The following SLC1A3 variants were observed in gnomAD, a reference collection of about 807,000 sequenced individuals.
SLC1A3 encodes solute carrier family 1 member 3.
A neutral mutation model predicts 48.1 loss-of-function variants in SLC1A3; 21 were observed. That is an observed-to-expected ratio of 0.44 (90% CI 0.31 to 0.63). The LOEUF (loss-of-function observed/expected upper bound fraction) is 0.63, where lower values mean the gene tolerates loss of function less well. SLC1A3 is among the 20% of genes least tolerant of loss of function. The pLI, the probability that SLC1A3 is intolerant of heterozygous loss-of-function variation, is 0.08. For missense variants in SLC1A3, 546 were observed against 689.0 expected, an observed-to-expected ratio of 0.79 and a Z score of 2.32; for synonymous variants, 239 against 251.4, an observed-to-expected ratio of 0.95 and a Z score of 0.47.
chr5:36,648,627 A>G (rs980365543), intron 3 of SLC1A3, among the ~76,000 whole-genome samples: 6 of 152,220 alleles, frequency 3.9e-5, no homozygotes, highest in Non-Finnish European at 7.3e-5. Context: ...GCTACTGATA[A>G]CAACTTCTCA....
intron 2 of SLC1A3, among the ~76,000 whole-genome samples, chr5:36,621,191 C>A (rs561615984): frequency 1.1e-4 from 16 of 152,278 alleles, no homozygotes; most frequent in African/African-American, 3.8e-4. Context: ...CAGGCGTGAG[C>A]CACCACGCCT....
At chr5:36,654,249 G>A (rs760557664) in intron 3 of SLC1A3, among the ~76,000 whole-genome samples, 9 of 152,136 alleles carry the variant, frequency 5.9e-5, no homozygotes, top group Admixed American at 1.3e-4. Flanking sequence ...AAAATGGTTT[G>A]GGCATACAGA....
intron 3 of SLC1A3, among the ~76,000 whole-genome samples, chr5:36,648,262 C>T (rs1054936534): frequency 3.3e-5 from 5 of 152,144 alleles, no homozygotes; most frequent in Non-Finnish European, 7.4e-5. Flanking sequence ...GACTGTACCA[C>T]TCTGGGCAAC....
intron 3 of SLC1A3, among the ~76,000 whole-genome samples, chr5:36,655,847 A>T (rs1741263358): frequency 6.6e-6 from 1 of 152,168 alleles, no homozygotes; most frequent in Non-Finnish European, 1.5e-5. Flanking sequence ...AGGGTGTTTG[A>T]GATTCCCTGT....
At chr5:36,676,425 G>C (rs141127457) in intron 5 of SLC1A3, among the ~76,000 whole-genome samples, 2,093 of 152,280 alleles carry the variant, frequency 0.014, 44 homozygotes, top group African/African-American at 0.048. Context: ...TAGAATATGA[G>C]AGAAAGGATA....
At chr5:36,675,398 G>C (rs1742165408) in intron 5 of SLC1A3, among the ~76,000 whole-genome samples, 1 of 152,142 alleles carries the variant, frequency 6.6e-6, no homozygotes, top group South Asian at 2.1e-4. Context: ...GGCCCTGTGT[G>C]ATATCAAAAA....
At chr5:36,679,064 G>A (rs760715237) in intron 6 of SLC1A3, among the ~76,000 whole-genome samples, 6 of 152,190 alleles carry the variant, frequency 3.9e-5, no homozygotes, top group Non-Finnish European at 8.8e-5. Context: ...AATAATAAAA[G>A]TGGCCCTTGA....
Position 36,629,580 on chromosome 5 carries a change from T to C in SLC1A3, c.312T>C (p.Leu104=), listed in dbSNP as rs1740055118. The change falls in exon 3 of 10, where the codon CTT becomes CTC. Residue 104 remains leucine (L), a synonymous_variant. Coordinates refer to ENST00000265113, the MANE Select transcript of SLC1A3 (RefSeq NM_004172.5). ...TCTTACCACTTATCATCTCCAGTCT[T>C]GTCACAGGTACCATAAGCAGTTGTT... ...MLVLPLIISS[L]VTGMAALDSK... 1 of 1,613,052 alleles carries C rather than the reference T, an allele frequency of 6.2e-7. No individual in the cohort carries two copies. The highest frequency in any genetic ancestry group is 8.5e-7 in the Non-Finnish European group (1 of 1,179,250).
chr5:36,620,936 C>G (rs1340548391), intron 2 of SLC1A3, among the ~76,000 whole-genome samples: 1 of 151,066 alleles, frequency 6.6e-6, no homozygotes, highest in Non-Finnish European at 1.5e-5. Context: ...GGCAGGGTCT[C>G]TCTCTGTCAC....
chr5:36,637,902 T>C (rs1433027484), intron 3 of SLC1A3, among the ~76,000 whole-genome samples: 1 of 149,408 alleles, frequency 6.7e-6, no homozygotes, highest in Non-Finnish European at 1.5e-5. Context: ...CTTTAATTAA[T>C]TGATCTGAAA....
intron 2 of SLC1A3, among the ~76,000 whole-genome samples, chr5:36,623,475 C>A (rs1279616686): frequency 1.3e-5 from 2 of 152,030 alleles, no homozygotes; most frequent in African/African-American, 4.8e-5. Flanking sequence ...TTTTTGTCAG[C>A]TTTGGGACTA....
upstream of SLC1A3, among the ~76,000 whole-genome samples, chr5:36,602,101 G>A (rs1378488773): frequency 6.6e-6 from 1 of 152,142 alleles, no homozygotes; most frequent in African/African-American, 2.4e-5. Flanking sequence ...GTTGGATTTG[G>A]GGAGTGGGAG....
rs998829772 is a variant in SLC1A3 at position 36,617,811 on chromosome 5, G to C, written c.181+9207G>C. On this transcript the variant is annotated intron_variant, in intron 2 of 9. Transcript: ENST00000265113. ...GCAATTACCAATTGATGGACACTTC[G>C]GTTGTTTCCAGTCTTTAGACATTTT... Among the ~76,000 whole-genome samples, 3 of 151,960 alleles carry C rather than the reference G, an allele frequency of 2.0e-5. No homozygotes were observed. In the South Asian group the frequency reaches 6.2e-4, roughly 32 times the overall value.
chr5:36,680,584 A>C lies in SLC1A3; in HGVS notation c.1284A>C (p.Thr428=), dbSNP rs200947079. The part of the protein sequence containing the change: ...NFELNFGQII[T]ISITATAASI... ...AACTGAACTTCGGACAAATTATTAC[A>C]ATCAGGTACAAGGAAAGAGTTCTAT... The change falls in exon 8 of 10, where the codon ACA becomes ACC. Residue 428 remains threonine, a synonymous_variant. Coordinates refer to ENST00000265113, the MANE Select transcript of SLC1A3 (RefSeq NM_004172.5). 4.7e-5 allele frequency: 76 copies of C among 1,613,054 alleles called. No homozygotes were observed. Among genetic ancestry groups the C allele is most frequent in the Non-Finnish European group, 5.7e-5 (67 of 1,179,116 alleles).
intron 2 of SLC1A3, among the ~76,000 whole-genome samples, chr5:36,627,593 T>C (rs776794775): frequency 6.6e-6 from 1 of 152,042 alleles, no homozygotes; most frequent in Non-Finnish European, 1.5e-5. Flanking sequence ...TGTTCAACAA[T>C]AGAGTGAGGA....
chr5:36,629,356 AC>A, intron 2 of SLC1A3, 93 bp from the exon 3 acceptor site: 1 of 1,091,274 alleles, frequency 9.2e-7, no homozygotes, highest in African/African-American at 1.6e-5. Flanking sequence ...AAATACAACC[AC>A]CAGCCAAATA....
In SLC1A3 at chr5:36,608,550, A is replaced by G; in HGVS notation, c.127A>G (p.Ser43Gly). The stretch of plus-strand genomic sequence containing the variant: ...GAACATTACAAAGGAGGATGTTAAA[A>G]GTTACCTGTTTCGGAATGCTTTTGT... ...VQNITKEDVK[S>G]YLFRNAFVLL... Residue 43 changes from serine (S) to glycine (G), a missense_variant, in exon 2 of 10, where the codon AGT becomes GGT. Physicochemically the swap from Ser to Gly is moderately conservative, Grantham distance 56. Coordinates refer to ENST00000265113, the MANE Select transcript of SLC1A3 (RefSeq NM_004172.5). The G allele has an allele frequency of 1.2e-6, 2 of 1,614,084 alleles. No homozygotes were observed. Among genetic ancestry groups the G allele is most frequent in the Non-Finnish European group, 1.7e-6 (2 of 1,179,922 alleles).
chr5:36,627,156 T>TAC lies in SLC1A3; in HGVS notation c.182-2281_182-2280dup, dbSNP rs377606634. 3.8e-4 allele frequency among the ~76,000 whole-genome samples: 58 copies of TAC among 151,710 alleles called. 1 individual carries two copies. In the South Asian group the frequency reaches 7.1e-3, roughly 18 times the overall value. ...ATATAAAAATAATCTACCCAACATA[T>TAC]ACACACACACACACGTACGTACCTA... On this transcript the variant is annotated intron_variant, in intron 2 of 9. Coordinates refer to ENST00000265113, the MANE Select transcript of SLC1A3 (RefSeq NM_004172.5).
chr5:36,673,944 T>C, intron 4 of SLC1A3, 105 bp from the exon 5 acceptor site: 1 of 889,872 alleles, frequency 1.1e-6, no homozygotes, highest in Non-Finnish European at 1.9e-6. Context: ...TTTCCATTTG[T>C]TGCTTGGTTC....
Sources: gnomAD v4.1 joint callset for allele counts (sites outside exome capture counted in the v4.1 genomes callset) on GRCh38, gnomAD v4.1.1 for gene constraint, MANE v1.5 for transcripts, NCBI Gene and HGNC (gene_info 2026-07-23, HGNC 2026-07-21) for gene names.